The following NCOA2 variants were observed in gnomAD, a reference collection of about 807,000 sequenced individuals.
NCOA2 encodes the protein class E basic helix-loop-helix protein 75.
NCOA2 carries 21 observed loss-of-function variants against 145.1 expected under a neutral mutation model. The observed-to-expected ratio is 0.14, with a 90% CI of 0.10 to 0.21. NCOA2 has a LOEUF of 0.21. Ranked by LOEUF, NCOA2 falls within the 10% of genes least tolerant of loss-of-function variation. The probability of loss-of-function intolerance (pLI) is 1.00; values close to 1 mark genes in which losing one functional copy is unlikely to be tolerated. For missense variants in NCOA2, 1,472 were observed against 1,837.6 expected (o/e 0.80, Z 3.64); for synonymous variants, 619 against 637.5 (o/e 0.97, Z 0.44).
chr8:70,216,060 C>T (rs1453059796), intron 3 of NCOA2, among the ~76,000 whole-genome samples: 4 of 152,054 alleles, frequency 2.6e-5, no homozygotes, highest in African/African-American at 9.7e-5. Context: ...CTCATATACA[C>T]GTCATTTTGC....
rs869045939 is a variant in NCOA2 at position 70,159,243 on chromosome 8, T to TATATATATATATATATATATA, written c.1124+261_1124+262insTATATATATATATATATATAT. Among the ~76,000 whole-genome samples the TATATATATATATATATATATA allele has an allele frequency of 3.5e-4, 29 of 82,022 alleles. 2 individuals carry two copies. The highest frequency in any genetic ancestry group is 9.4e-4 in the African/African-American group (19 of 20,106). 53.8% of individuals were successfully genotyped at this position (82,022 alleles called of 152,430 possible). A position where few individuals can be genotyped will look rare whatever the true frequency, so the allele number is the denominator to read the frequency against. ...AACATTATATATATATATATATATA[T>TATATATATATATATATATATA]TTTTTTTTTTTTCCCCCAAATATTT... On this transcript the variant is annotated intron_variant, in intron 10 of 22. Transcript: ENST00000452400.
chr8:70,357,723 A>G (rs567259764), intron 1 of NCOA2, among the ~76,000 whole-genome samples: 1 of 151,342 alleles, frequency 6.6e-6, no homozygotes, highest in Admixed American at 6.6e-5. Context: ...AGCCTGGGCG[A>G]CAGAGCAAGA....
chr8:70,417,243 A>G, the NCOA2 span, among the ~76,000 whole-genome samples: 7 of 120,516 alleles, frequency 5.8e-5, no homozygotes, highest in Admixed American at 4.9e-4. Context: ...CCTCGTCTCT[A>G]TTAAAAAAAA....
chr8:70,137,105 T>A (rs1040972743), intron 15 of NCOA2, among the ~76,000 whole-genome samples: 3 of 152,204 alleles, frequency 2.0e-5, no homozygotes, highest in African/African-American at 7.2e-5. Flanking sequence ...AACGGTGCGG[T>A]CTCAGCTCAC....
chr8:70,228,335 C>A (rs149383989), intron 2 of NCOA2, among the ~76,000 whole-genome samples: 7 of 152,282 alleles, frequency 4.6e-5, no homozygotes, highest in African/African-American at 1.7e-4. Context: ...ACAGTGGAGT[C>A]CAATTCTCTG....
At chr8:70,148,003 A>G (rs1368382251) in intron 12 of NCOA2, among the ~76,000 whole-genome samples, 3 of 152,168 alleles carry the variant, frequency 2.0e-5, no homozygotes, top group African/African-American at 4.8e-5. Context: ...AATGAAGGGA[A>G]ATATGACAAT....
chr8:70,321,591 G>A (rs1248103126), intron 1 of NCOA2, among the ~76,000 whole-genome samples: 5 of 151,990 alleles, frequency 3.3e-5, no homozygotes, highest in Admixed American at 1.3e-4. Context: ...CAGGCAGGCT[G>A]TGCACATCCA....
the NCOA2 span, among the ~76,000 whole-genome samples, chr8:70,426,885 C>T: frequency 0.13 from 20,074 of 152,118 alleles, 1,509 homozygotes; most frequent in South Asian, 0.21. Context: ...CTCAACCTTC[C>T]GGGCTCAAAG....
intron 1 of NCOA2, among the ~76,000 whole-genome samples, chr8:70,372,064 G>T (rs1400439459): frequency 6.6e-6 from 1 of 151,976 alleles, no homozygotes; most frequent in South Asian, 2.1e-4. Context: ...CATGGATTTG[G>T]GCAAGGAAAA....
the NCOA2 span, among the ~76,000 whole-genome samples, chr8:70,435,527 G>A: frequency 2.1e-5 from 3 of 145,400 alleles, no homozygotes; most frequent in African/African-American, 7.6e-5. Flanking sequence ...GTGTGACCTT[G>A]TACAAGCTAC....
At chr8:70,389,848 T>C (rs1813026455) in intron 1 of NCOA2, among the ~76,000 whole-genome samples, 1 of 151,310 alleles carries the variant, frequency 6.6e-6, no homozygotes, top group African/African-American at 2.4e-5. Flanking sequence ...GTATTTTCAG[T>C]AGAGATGGGG....
At chr8:70,327,116 G>C (rs1170481959) in intron 1 of NCOA2, among the ~76,000 whole-genome samples, 2 of 152,174 alleles carry the variant, frequency 1.3e-5, no homozygotes, top group African/African-American at 4.8e-5. Flanking sequence ...TGCTCGAGGA[G>C]ATTAATACAT....
intron 2 of NCOA2, among the ~76,000 whole-genome samples, chr8:70,245,922 G>T (rs888628031): frequency 1.3e-5 from 2 of 152,048 alleles, no homozygotes; most frequent in South Asian, 4.1e-4. Context: ...TTAATTCCCT[G>T]TATTAGTAAA....
In NCOA2 at chr8:70,305,387, T is replaced by C. The variant is rs1827810720; in HGVS notation, c.-76-8587A>G. Among the ~76,000 whole-genome samples the C allele has an allele frequency of 2.0e-5, 3 of 152,244 alleles. No homozygotes were observed. In the South Asian group the frequency reaches 6.2e-4, roughly 32 times the overall value. On this transcript the variant is annotated intron_variant, in intron 1 of 22. Coordinates refer to ENST00000452400, the MANE Select transcript of NCOA2 (RefSeq NM_006540.4). ...AACACAACATGACCGCATTAAGATATAATCATTATTTCAATACAATAAAGA... is the reference window on the plus strand; with the variant it reads ...AACACAACATGACCGCATTAAGATACAATCATTATTTCAATACAATAAAGA...
rs188564180 is a variant in NCOA2, at chr8:70,346,074, C to T, written c.-76-49274G>A. Among the ~76,000 whole-genome samples the T allele has an allele frequency of 3.6e-3, 548 of 152,330 alleles. 4 individuals carry two copies. Among genetic ancestry groups the T allele is most frequent in the Non-Finnish European group, 6.0e-3 (409 of 68,032 alleles). On this transcript the variant is annotated intron_variant, in intron 1 of 22. Transcript: ENST00000452400. ...AATATCCTAATCAAGAAATAATCAA[C>T]TTGCTTGTGTTCACAAACAGTACTT...
intron 1 of NCOA2, among the ~76,000 whole-genome samples, chr8:70,329,135 C>CT (rs1563769638): frequency 6.6e-6 from 1 of 151,892 alleles, no homozygotes; most frequent in East Asian, 1.9e-4. Flanking sequence ...TTTCTGGTTT[C>CT]TTTTTTTGAG....
intron 2 of NCOA2, among the ~76,000 whole-genome samples, chr8:70,250,065 A>C (rs1823006787): frequency 6.6e-6 from 1 of 151,818 alleles, no homozygotes. Context: ...CCTAATTTCC[A>C]AACTTTTAGT....
At chr8:70,407,994 C>T (rs565490539), upstream of NCOA2, among the ~76,000 whole-genome samples, 1 of 152,180 alleles carries the variant, frequency 6.6e-6, no homozygotes, top group South Asian at 2.1e-4. Flanking sequence ...GATTAAGAAC[C>T]TCTTTGATAT....
chr8:70,330,039 T>C (rs1244975746), intron 1 of NCOA2, among the ~76,000 whole-genome samples: 1 of 152,154 alleles, frequency 6.6e-6, no homozygotes, highest in African/African-American at 2.4e-5. Context: ...TATTTATATA[T>C]ATAGAAAAAC....
Sources: allele counts gnomAD v4.1 joint callset (sites outside exome capture counted in the v4.1 genomes callset), GRCh38; gene constraint gnomAD v4.1.1; transcripts MANE v1.5; gene names NCBI Gene and HGNC (gene_info 2026-07-23, HGNC 2026-07-21).